Variants in OTOG observed in about 807,000 individuals in gnomAD.
OTOG encodes otogelin.
A neutral mutation model predicts 313.8 loss-of-function variants in OTOG; 296 were observed. That is an observed-to-expected ratio of 0.94 (90% CI 0.86 to 1.04). The LOEUF is 1.04. OTOG is among the 50% of genes least tolerant of loss of function. The pLI, the probability that OTOG is intolerant of heterozygous loss-of-function variation, is 0.00. For synonymous variants in OTOG, 1,533 were observed against 1,554.9 expected (o/e 0.99, Z 0.33); for missense variants, 3,948 against 3,840.1 (o/e 1.03, Z -0.74).
At chr11:17,555,081 C>A (rs1000451945) in intron 6 of OTOG, among the ~76,000 whole-genome samples, 8 of 152,158 alleles carry the variant, frequency 5.3e-5, no homozygotes, top group African/African-American at 1.9e-4. Context: ...ATGGAAGGTG[C>A]CTTCCTGGGA....
intron 25 of OTOG, among the ~76,000 whole-genome samples, chr11:17,592,562 C>T (rs1327463342): frequency 6.6e-6 from 1 of 152,202 alleles, no homozygotes; most frequent in Non-Finnish European, 1.5e-5. Context: ...CACACACACA[C>T]ACTTTGTTTA....
chr11:17,562,237 C>CAAAAAAAAAAAAAAA (rs759962274), intron 15 of OTOG, among the ~76,000 whole-genome samples: 1 of 62,686 alleles, frequency 1.6e-5, no homozygotes, highest in Admixed American at 1.8e-4. Flanking sequence ...GACTCCGTCT[C>CAAAAAAAAAAAAAAA]AAAAAAAAAA....
chr11:17,571,906 A>G (rs192747672), intron 17 of OTOG, among the ~76,000 whole-genome samples, 174 bp from the exon 18 acceptor site: 5 of 152,248 alleles, frequency 3.3e-5, no homozygotes, highest in Admixed American at 2.6e-4. Context: ...GTGTGCGTAT[A>G]CATGTTACAT....
intron 52 of OTOG, 23 bp downstream of exon 52, chr11:17,641,974 A>C (rs1272231181): frequency 6.5e-7 from 1 of 1,546,624 alleles, no homozygotes; most frequent in Middle Eastern, 1.7e-4. Flanking sequence ...CTCGCTGCCC[A>C]CTTAGGAGGG....
chr11:17,578,583 C>T, intron 23 of OTOG, 57 bp downstream of exon 23: 1 of 1,470,990 alleles, frequency 6.8e-7, no homozygotes, highest in Non-Finnish European at 9.0e-7. Context: ...AACCAAGGGC[C>T]ACAGGGTGGA....
chr11:17,572,640 A>T (rs1452932174), intron 18 of OTOG, among the ~76,000 whole-genome samples: 2 of 152,210 alleles, frequency 1.3e-5, no homozygotes, highest in African/African-American at 4.8e-5. Flanking sequence ...GTTTCTGCAG[A>T]CACACACATG....
chr11:17,572,298 C>T, intron 18 of OTOG, 94 bp downstream of exon 18: 1 of 1,485,476 alleles, frequency 6.7e-7, no homozygotes, highest in East Asian at 2.5e-5. Context: ...CAGGAGAGTG[C>T]TGGCCAAATT....
Position 17,612,691 on chromosome 11 carries a change from G to A in OTOG, c.6364G>A (p.Ala2122Thr), listed in dbSNP as rs1191556864. Residue 2122 changes from alanine to threonine, a missense_variant, in exon 38 of 56, where the codon GCC (alanine) becomes ACC (threonine). Coordinates refer to ENST00000399397, the MANE Select transcript of OTOG (RefSeq NM_001292063.2). ...DGSHVALFKE[A>T]IYILSQSPDE... ...GAGCCACGTAGCTCTGTTCAAGGAG[G>A]CCATCTACATCCTCAGCCAGAGCCC... is the stretch of plus-strand genomic sequence containing the variant. The A allele has an allele frequency of 1.0e-5, 16 of 1,550,474 alleles. No individual in the cohort carries two copies. The East Asian group carries it at 3.2e-4, about 31-fold the overall frequency.
intron 15 of OTOG, among the ~76,000 whole-genome samples, chr11:17,566,427 G>A (rs1417723836): frequency 6.6e-6 from 1 of 152,082 alleles, no homozygotes; most frequent in Non-Finnish European, 1.5e-5. Context: ...AGAACCCCTG[G>A]ATATGGAGAG....
chr11:17,573,247 C>T lies in OTOG; in HGVS notation c.2250C>T (p.Arg750=), dbSNP rs1323875855. ...TLAHYAHLCR[R]HGLPVDFRAR... ...CCCACTACGCCCACCTGTGCCGGCGCCATGGGCTCCCCGTTGATTTCCGCG... is the reference window on the plus strand; with the variant it reads ...CCCACTACGCCCACCTGTGCCGGCGTCATGGGCTCCCCGTTGATTTCCGCG... The change falls in exon 19 of 56, where the codon CGC becomes CGT. Residue 750 remains arginine, a synonymous_variant. Transcript: ENST00000399397. 1 of 1,532,740 alleles carries T rather than the reference C, an allele frequency of 6.5e-7. No individual in the cohort carries two copies. The highest frequency in any genetic ancestry group is 8.7e-7 in the Non-Finnish European group (1 of 1,144,052). 94.9% of individuals were successfully genotyped at this position (1,532,740 alleles called of 1,614,324 possible). A position where few individuals can be genotyped will look rare whatever the true frequency, so the allele number is the denominator to read the frequency against.
intron 43 of OTOG, 50 bp downstream of exon 43, chr11:17,633,924 C>T (rs1854195306): frequency 1.3e-6 from 2 of 1,492,056 alleles, no homozygotes; most frequent in South Asian, 2.7e-5. Flanking sequence ...CAGCCTCAGC[C>T]TCGCCTCCTG....
In OTOG at chr11:17,615,704, G is replaced by A. The variant is rs569172165; in HGVS notation, c.6528+2003G>A. 3.3e-5 allele frequency among the ~76,000 whole-genome samples: 5 copies of A among 152,308 alleles called. No homozygotes were observed. In the South Asian group the frequency reaches 6.2e-4, roughly 19 times the overall value. On this transcript the variant is annotated intron_variant, in intron 39 of 55. Coordinates refer to ENST00000399397, the MANE Select transcript of OTOG (RefSeq NM_001292063.2). ...TCAGCAGTTTGGGAGGCCGAGGTGG[G>A]CGGATCTCAAGGTCAGGAGTTTGAG...
rs949082330 is a variant in OTOG, at chr11:17,612,304, G to T, written c.6266G>T (p.Arg2089Leu). 2 of 1,538,812 alleles carry T rather than the reference G, an allele frequency of 1.3e-6. No homozygotes were observed. The highest frequency in any genetic ancestry group is 1.2e-5 in the South Asian group (1 of 83,720). The part of the protein sequence containing the change: ...LGLAVRVGGD[R>L]CCPLWECACR... ...CTCGCCGTGCGGGTGGGTGGGGACC[G>T]CTGCTGCCCACTCTGGGAGTGTGCC... The change falls in exon 37 of 56, where the codon CGC (arginine) becomes CTC (leucine). Residue 2089 changes from arginine to leucine, a missense_variant. Coordinates refer to ENST00000399397, the MANE Select transcript of OTOG (RefSeq NM_001292063.2).
chr11:17,629,866 G>A (rs1047293553), intron 40 of OTOG, among the ~76,000 whole-genome samples: 1 of 152,182 alleles, frequency 6.6e-6, no homozygotes, highest in African/African-American at 2.4e-5. Flanking sequence ...TATGGGACAA[G>A]CCTGGATGTG....
intron 39 of OTOG, among the ~76,000 whole-genome samples, chr11:17,623,228 C>T (rs1853906979): frequency 6.6e-6 from 1 of 152,108 alleles, no homozygotes; most frequent in Middle Eastern, 3.4e-3. Context: ...GTTTGTTGTA[C>T]AGATTATTTT....
At chr11:17,596,408 C>A (rs1484022517) in intron 29 of OTOG, among the ~76,000 whole-genome samples, 1 of 152,248 alleles carries the variant, frequency 6.6e-6, no homozygotes, top group Non-Finnish European at 1.5e-5. Flanking sequence ...TCCTCCTTAT[C>A]ATGAAGTTCT....
intron 15 of OTOG, among the ~76,000 whole-genome samples, chr11:17,566,645 T>C (rs954402388): frequency 6.6e-6 from 1 of 152,234 alleles, no homozygotes; most frequent in South Asian, 2.1e-4. Flanking sequence ...GCCTTCACCA[T>C]ACACCATCCA....
intron 28 of OTOG, 79 bp from the exon 29 acceptor site, chr11:17,595,959 A>G: frequency 1.0e-6 from 1 of 962,304 alleles, no homozygotes; most frequent in South Asian, 1.4e-5. Context: ...CATGGCGGCC[A>G]CCCTAAAATC....
chr11:17,554,709 CCT>C (rs963331863), intron 6 of OTOG, among the ~76,000 whole-genome samples: 24 of 152,356 alleles, frequency 1.6e-4, no homozygotes, highest in African/African-American at 5.1e-4. Flanking sequence ...AACCAATTTT[CCT>C]CTCTCTGCCT....
Sources: allele counts gnomAD v4.1 joint callset (sites outside exome capture counted in the v4.1 genomes callset), GRCh38; gene constraint gnomAD v4.1.1; transcripts MANE v1.5; gene names NCBI Gene and HGNC (gene_info 2026-07-23, HGNC 2026-07-21).